GPC1: variants seen among roughly 807,000 people sequenced by gnomAD.
GPC1 encodes glypican-1.
Under a neutral mutation model 51.5 loss-of-function variants are expected in GPC1, and 26 were observed. The observed-to-expected ratio is 0.50, with a 90% CI of 0.37 to 0.70. The LOEUF is 0.70. Among genes scored for constraint, GPC1 ranks in the 30% least tolerant of loss-of-function variants. The pLI is 0.00. For missense variants in GPC1, 775 were observed against 800.5 expected, an observed-to-expected ratio of 0.97 and a Z score of 0.38; for synonymous variants, 380 against 348.3, an observed-to-expected ratio of 1.09 and a Z score of -1.01.
intron 7 of GPC1, 131 bp downstream of exon 7, chr2:240,465,341 G>A (rs10188712): frequency 0.58 from 770,310 of 1,330,324 alleles, 226,214 homozygotes; most frequent in African/African-American, 0.64. Flanking sequence ...TCTGCGGCCT[G>A]TGTGGGCTCT....
At position 240,459,194 on chromosome 2, in the gene GPC1, T is replaced by A. The variant is rs764414110; in HGVS notation, c.325+6T>A. 1.9e-6 allele frequency: 3 copies of A among 1,610,454 alleles called. No individual in the cohort carries two copies. The Admixed American group carries it at 5.0e-5, about 27-fold the overall frequency. ...CCAGCTGCGCAGCTTCGATGGTGAG[T>A]GCCTCCCACGGGCGCTCGGGGCCCG... On this transcript the variant is annotated splice_donor_region_variant and intron_variant, in intron 2 of 8. Transcript: ENST00000264039.
chr2:240,464,106 C>T (rs535463528), intron 4 of GPC1: 7 of 208,122 alleles, frequency 3.4e-5, no homozygotes, highest in African/African-American at 1.4e-4. Flanking sequence ...GACACGGGGC[C>T]AACAGGTGTG....
chr2:240,452,959 C>A, intron 1 of GPC1: 1 of 339,716 alleles, frequency 2.9e-6, no homozygotes, highest in South Asian at 2.0e-5. Context: ...CTTTCCCCGG[C>A]CCGAGCACCT....
At chr2:240,453,691 C>T (rs909924171) in intron 1 of GPC1, among the ~76,000 whole-genome samples, 2 of 151,276 alleles carry the variant, frequency 1.3e-5, no homozygotes, top group African/African-American at 2.4e-5. Context: ...CCAGTGCCCC[C>T]TCCTCGCCGG....
chr2:240,453,084 T>C (rs779246312), intron 1 of GPC1: 8 of 301,434 alleles, frequency 2.7e-5, no homozygotes, highest in Middle Eastern at 1.2e-3. Flanking sequence ...AGCGCCACCG[T>C]ACCCGCATCC....
At chr2:240,452,821 CGGCTGCGGCGCTGCCCGGGGT>C in intron 1 of GPC1, 1 of 163,432 alleles carries the variant, frequency 6.1e-6, no homozygotes, top group Non-Finnish European at 1.3e-5. Flanking sequence ...CGCGCCAGTG[CGGCTGCGGCGCTGCCCGGGGT>C]GGCTGCGGCC....
intron 4 of GPC1, chr2:240,463,841 C>T (rs1353284114): frequency 1.4e-5 from 5 of 365,522 alleles, no homozygotes; most frequent in Admixed American, 1.3e-4. Context: ...TTTAAGCTAA[C>T]ACATACATGC....
In GPC1 at chr2:240,462,624, C is replaced by A. The variant is rs758534809; in HGVS notation, c.717+42C>A. 5 of 1,486,002 alleles carry A rather than the reference C, an allele frequency of 3.4e-6. No individual in the cohort carries two copies. The East Asian group carries it at 9.1e-5, about 27-fold the overall frequency. The allele number at this position is 1,486,002 out of a possible 1,614,324, so 92.1% of individuals were successfully genotyped here. Reference sequence around the variant, plus strand: ...AGGGCTCTCAGAAACCCCTCCAGACCCCCATGCTCTGCCCAAGGGACTTCC... The same window carrying A: ...AGGGCTCTCAGAAACCCCTCCAGACACCCATGCTCTGCCCAAGGGACTTCC... On this transcript the variant is annotated intron_variant, in intron 3 of 8. Coordinates refer to ENST00000264039, the MANE Select transcript of GPC1 (RefSeq NM_002081.3).
chr2:240,446,223 C>T (rs894646970), intron 1 of GPC1, among the ~76,000 whole-genome samples: 2 of 152,204 alleles, frequency 1.3e-5, no homozygotes. Flanking sequence ...GCACCTTGGG[C>T]GGAGCAAGGA....
chr2:240,459,294 C>A, intron 2 of GPC1, 106 bp downstream of exon 2: 1 of 1,113,952 alleles, frequency 9.0e-7, no homozygotes, highest in South Asian at 1.5e-5. Context: ...GGGGGATTGG[C>A]AGGAGGAGGT....
chr2:240,443,135 TG>T (rs1321940498), intron 1 of GPC1, among the ~76,000 whole-genome samples: 11 of 152,254 alleles, frequency 7.2e-5, no homozygotes, highest in African/African-American at 2.7e-4. Flanking sequence ...CCGCCGCCTG[TG>T]CCGTCACAGA....
chr2:240,466,328 C>T lies in GPC1; in HGVS notation c.*38C>T, dbSNP rs561234466. On this transcript the variant is annotated 3_prime_UTR_variant, in exon 9 of 9. Transcript: ENST00000264039. ...CCCAGGGACAGAGGCCAAGGACTGACTTTGCCAAAAATACAACACAGACGA... is the reference window on the plus strand; with the variant it reads ...CCCAGGGACAGAGGCCAAGGACTGATTTTGCCAAAAATACAACACAGACGA... 1.6e-4 allele frequency: 186 copies of T among 1,179,228 alleles called. 2 individuals carry two copies. In the East Asian group the frequency reaches 4.3e-3, roughly 27 times the overall value. The allele number at this position is 1,179,228 out of a possible 1,614,324, so 73.0% of individuals were successfully genotyped here.
intron 1 of GPC1, among the ~76,000 whole-genome samples, chr2:240,441,053 G>C (rs1486538823): frequency 6.6e-6 from 1 of 152,270 alleles, no homozygotes; most frequent in African/African-American, 2.4e-5. Flanking sequence ...AGGGAGATAA[G>C]GCAGTCCAGT....
intron 5 of GPC1, 34 bp downstream of exon 5, chr2:240,464,780 G>A: frequency 1.9e-6 from 3 of 1,585,382 alleles, no homozygotes; most frequent in Non-Finnish European, 2.6e-6. Context: ...GCACAGCGGG[G>A]TGGGGGTCCT....
chr2:240,443,046 T>C (rs1435232544), intron 1 of GPC1, among the ~76,000 whole-genome samples: 1 of 152,256 alleles, frequency 6.6e-6, no homozygotes, highest in Non-Finnish European at 1.5e-5. Context: ...GGCCTCCGCT[T>C]TTCCCTCAGG....
chr2:240,462,092 A>G, intron 2 of GPC1, 99 bp from the exon 3 acceptor site: 1 of 1,193,032 alleles, frequency 8.4e-7, no homozygotes, highest in Non-Finnish European at 1.2e-6. Context: ...CTCAGAGTGT[A>G]TCCTCAGAGC....
At chr2:240,465,730 C>G in intron 8 of GPC1, 82 bp downstream of exon 8, 1 of 1,214,002 alleles carries the variant, frequency 8.2e-7, no homozygotes, top group Non-Finnish European at 1.2e-6. Flanking sequence ...TCCGGGTTCC[C>G]CCACCCGAGG....
At chr2:240,442,048 T>C (rs1439693828) in intron 1 of GPC1, among the ~76,000 whole-genome samples, 1 of 152,042 alleles carries the variant, frequency 6.6e-6, no homozygotes, top group Non-Finnish European at 1.5e-5. Flanking sequence ...CACCATCCCC[T>C]CTCCTGCCTG....
intron 1 of GPC1, among the ~76,000 whole-genome samples, chr2:240,453,309 CTCCCACCGCCCG>C (rs2074120461): frequency 6.3e-4 from 3 of 4,780 alleles, no homozygotes; most frequent in Admixed American, 9.4e-4. Flanking sequence ...CCCCGCCCCG[CTCCCACCGCCCG>C]CCCCGCTCCC....
Sources: gnomAD v4.1 joint callset for allele counts (sites outside exome capture counted in the v4.1 genomes callset) on GRCh38, gnomAD v4.1.1 for gene constraint, MANE v1.5 for transcripts, NCBI Gene and HGNC (gene_info 2026-07-23, HGNC 2026-07-21) for gene names.